MCC: variants seen among roughly 807,000 people sequenced by gnomAD.
MCC encodes the protein colorectal mutant cancer protein.
Under a neutral mutation model 116.2 loss-of-function variants are expected in MCC, and 90 were observed. That is an observed-to-expected ratio of 0.77 (90% CI 0.65 to 0.92). The LOEUF is 0.92. Among genes scored for constraint, MCC ranks in the 40% least tolerant of loss-of-function variants. MCC has a pLI of 0.00. For missense variants in MCC, 1,516 were observed against 1,312.2 expected (o/e 1.16, Z -2.40); for synonymous variants, 578 against 510.5 (o/e 1.13, Z -1.78).
At chr5:113,350,365 A>T (rs1172654717) in intron 2 of MCC, among the ~76,000 whole-genome samples, 1 of 152,134 alleles carries the variant, frequency 6.6e-6, no homozygotes, top group East Asian at 1.9e-4. Flanking sequence ...AGTGGAACAG[A>T]ATAGAGAACG....
chr5:113,188,226 T>C (rs1244772869), intron 3 of MCC, among the ~76,000 whole-genome samples: 3 of 152,202 alleles, frequency 2.0e-5, no homozygotes, highest in African/African-American at 7.2e-5. Context: ...CATTGTCTAT[T>C]ACAAATTCAT....
intron 16 of MCC, chr5:113,044,409 C>A (rs980467917): frequency 1.3e-6 from 1 of 788,822 alleles, no homozygotes; most frequent in Non-Finnish European, 1.5e-6. Context: ...TGCCTGAGTG[C>A]TCTACATTCC....
chr5:113,078,551 C>CAAAA (rs1754619624), intron 11 of MCC, among the ~76,000 whole-genome samples: 1 of 152,210 alleles, frequency 6.6e-6, no homozygotes, highest in Non-Finnish European at 1.5e-5. Context: ...GAACCAAAGA[C>CAAAA]AAAAACCACA....
In MCC at chr5:113,433,762, G is replaced by A. The variant is rs186917814; in HGVS notation, c.171-48550C>T. On this transcript the variant is annotated intron_variant, in intron 1 of 18. Coordinates refer to ENST00000408903, the MANE Select transcript of MCC (RefSeq NM_001085377.2). ...CACTGGGCCCGCGTCTCTGGAGGCT[G>A]TTGGGGGGGCCCTTCCTCTGTCTCC... 89 of 1,613,760 alleles carry A rather than the reference G, an allele frequency of 5.5e-5. No individual in the cohort carries two copies. In the African/African-American group the frequency reaches 8.4e-4, roughly 15 times the overall value.
chr5:113,226,145 C>G (rs2150331788), intron 3 of MCC, among the ~76,000 whole-genome samples: 1 of 152,386 alleles, frequency 6.6e-6, no homozygotes, highest in South Asian at 2.1e-4. Context: ...CACCATACTC[C>G]AGCCTGGGCT....
intron 11 of MCC, among the ~76,000 whole-genome samples, chr5:113,072,217 T>G (rs1244036273): frequency 6.6e-6 from 1 of 152,208 alleles, no homozygotes; most frequent in Non-Finnish European, 1.5e-5. Context: ...TGGAAGCCAT[T>G]AGCTTCAAGG....
At chr5:113,451,673 G>A (rs1771400406) in intron 1 of MCC, among the ~76,000 whole-genome samples, 1 of 152,154 alleles carries the variant, frequency 6.6e-6, no homozygotes, top group Non-Finnish European at 1.5e-5. Flanking sequence ...GGTGGAGGTT[G>A]CACCTTTGCA....
At chr5:113,117,361 C>A (rs1478792278) in intron 6 of MCC, among the ~76,000 whole-genome samples, 2 of 152,194 alleles carry the variant, frequency 1.3e-5, no homozygotes, top group African/African-American at 4.8e-5. Context: ...GGTTGTCCTC[C>A]AAAACCTATT....
At chr5:113,067,765 C>T (rs1029583571) in intron 13 of MCC, among the ~76,000 whole-genome samples, 2 of 152,280 alleles carry the variant, frequency 1.3e-5, no homozygotes, top group African/African-American at 4.8e-5. Context: ...ATCAGAGAGA[C>T]AGCTGCAGAA....
chr5:113,354,582 G>A (rs748679136), intron 2 of MCC, among the ~76,000 whole-genome samples: 1 of 151,648 alleles, frequency 6.6e-6, no homozygotes, highest in Non-Finnish European at 1.5e-5. Flanking sequence ...TTACAGGCAT[G>A]CACCACCACA....
chr5:113,130,600 G>A lies in MCC; in HGVS notation c.885-7774C>T, dbSNP rs529961417. On this transcript the variant is annotated intron_variant, in intron 5 of 18. Transcript: ENST00000408903. The stretch of plus-strand genomic sequence containing the variant: ...TTGGAGATGGAGTCTAGTGGGAGGT[G>A]TCTGGGTCATGGGAGTGGATCCCTC... Among the ~76,000 whole-genome samples the A allele has an allele frequency of 1.3e-5, 2 of 152,308 alleles. 1 individual carries two copies. Among genetic ancestry groups the A allele is most frequent in the African/African-American group, 4.8e-5 (2 of 41,570 alleles).
At chr5:113,251,757 G>A (rs1285718252) in intron 3 of MCC, among the ~76,000 whole-genome samples, 1 of 152,174 alleles carries the variant, frequency 6.6e-6, no homozygotes, top group African/African-American at 2.4e-5. Flanking sequence ...GCCCAAACAT[G>A]CCTATGGGCT....
chr5:113,277,073 T>C (rs569847177), intron 3 of MCC, among the ~76,000 whole-genome samples: 1 of 152,154 alleles, frequency 6.6e-6, no homozygotes, highest in Non-Finnish European at 1.5e-5. Context: ...CCAGGCATGG[T>C]GGCTCACACC....
At position 113,417,247 on chromosome 5, in the gene MCC, C is replaced by T. The variant is rs1417646917; in HGVS notation, c.171-32035G>A. 3.3e-5 allele frequency among the ~76,000 whole-genome samples: 5 copies of T among 152,270 alleles called. 1 individual carries two copies. The highest frequency in any genetic ancestry group is 3.3e-4 in the Admixed American group (5 of 15,294). ...CCTCCCAAAGTGCTGGGATTACAGG[C>T]GTGAGCCACCGCACCCAGCAGTGAA... On this transcript the variant is annotated intron_variant, in intron 1 of 18. Transcript: ENST00000408903.
intron 3 of MCC, among the ~76,000 whole-genome samples, chr5:113,286,201 C>T (rs566700056): frequency 1.1e-4 from 16 of 152,278 alleles, no homozygotes; most frequent in Middle Eastern, 3.4e-3. Context: ...CTGGAGACAC[C>T]GGGGGCCGCT....
At position 113,488,351 on chromosome 5, in the gene MCC, TGCCGCCGCC is replaced by T. The variant is rs35336557; in HGVS notation, c.55_63del (p.Gly19_Gly21del). ...TCGCTGCTGCTGCTGCTGCTGCCGCTGCCGCCGCCGCCGCCGCCGCTGCTGGAGCTCCCC... is the reference window on the plus strand; with the variant it reads ...TCGCTGCTGCTGCTGCTGCTGCCGCTGCCGCCGCCGCTGCTGGAGCTCCCC... On this transcript the variant is annotated inframe_deletion, in exon 1 of 19. Coordinates refer to ENST00000408903, the MANE Select transcript of MCC (RefSeq NM_001085377.2). 3.4e-6 allele frequency: 5 copies of T among 1,455,590 alleles called. No homozygotes were observed. The highest frequency in any genetic ancestry group is 1.5e-5 in the African/African-American group (1 of 68,068). 90.2% of individuals were successfully genotyped at this position (1,455,590 alleles called of 1,614,324 possible). A position where few individuals can be genotyped will look rare whatever the true frequency, so the allele number is the denominator to read the frequency against.
rs754598603 is a variant in MCC, at chr5:113,122,684, C to A, written c.1027G>T (p.Asp343Tyr). 2 of 1,613,960 alleles carry A rather than the reference C, an allele frequency of 1.2e-6. No individual in the cohort carries two copies. The highest frequency in any genetic ancestry group is 4.5e-5 in the East Asian group (2 of 44,874). Residue 343 changes from aspartate (D) to tyrosine (Y), a missense_variant and splice_region_variant, in exon 6 of 19, where the codon GAC becomes TAC. Physicochemically the swap from Asp to Tyr is radical, Grantham distance 160. Coordinates refer to ENST00000408903, the MANE Select transcript of MCC (RefSeq NM_001085377.2). ...NQSTMVTADM[D>Y]NCSDLNSELQ... Reference sequence around the variant, plus strand: ...TGGTGGCAAGGGCAGGCAGACTCACCCATGTCAGCAGTAACCATGGTAGAC... The same window carrying A: ...TGGTGGCAAGGGCAGGCAGACTCACACATGTCAGCAGTAACCATGGTAGAC...
chr5:113,278,465 G>C (rs1765910400), intron 3 of MCC, among the ~76,000 whole-genome samples: 1 of 152,220 alleles, frequency 6.6e-6, no homozygotes, highest in African/African-American at 2.4e-5. Flanking sequence ...ACTACCCAAT[G>C]CAACGGGGAA....
At chr5:113,057,185 G>A (rs1337195091) in intron 14 of MCC, among the ~76,000 whole-genome samples, 2 of 152,212 alleles carry the variant, frequency 1.3e-5, no homozygotes, top group South Asian at 2.1e-4. Flanking sequence ...GGAGTGCGTG[G>A]GAGGGGCTGG....
Sources: allele counts gnomAD v4.1 joint callset (sites outside exome capture counted in the v4.1 genomes callset), GRCh38; gene constraint gnomAD v4.1.1; transcripts MANE v1.5; gene names NCBI Gene and HGNC (gene_info 2026-07-23, HGNC 2026-07-21).